Variants in LUZP1 observed in about 807,000 individuals in gnomAD.
The protein encoded by LUZP1 is filamin mechanobinding actin cross-linking protein.
Under a neutral mutation model 71.3 loss-of-function variants are expected in LUZP1, and 25 were observed. The observed-to-expected ratio is 0.35, with a 90% CI of 0.26 to 0.49. The LOEUF is 0.49. Among genes scored for constraint, LUZP1 ranks in the 20% least tolerant of loss-of-function variants. The pLI, the probability that LUZP1 is intolerant of heterozygous loss-of-function variation, is 0.99. For synonymous variants in LUZP1, 481 were observed against 506.4 expected (o/e 0.95, Z 0.67); for missense variants, 1,142 against 1,300.8 (o/e 0.88, Z 1.88).
At chr1:23,117,477 C>CT (rs34248788) in intron 2 of LUZP1, among the ~76,000 whole-genome samples, 2,629 of 13,548 alleles carry the variant, frequency 0.19, 113 homozygotes, top group Non-Finnish European at 0.25. Context: ...CTCTCTCTCT[C>CT]CCCCCCCCCC....
intron 2 of LUZP1, among the ~76,000 whole-genome samples, chr1:23,112,104 C>T (rs1569590223): frequency 6.6e-6 from 1 of 152,080 alleles, no homozygotes; most frequent in Admixed American, 6.6e-5. Flanking sequence ...CAACTGTCTA[C>T]GTTCTCTCAT....
chr1:23,111,884 T>C (rs1460158275), intron 2 of LUZP1, among the ~76,000 whole-genome samples: 4 of 151,314 alleles, frequency 2.6e-5, no homozygotes, highest in Non-Finnish European at 5.9e-5. Flanking sequence ...CTCTAAGAAA[T>C]GGTCACATAA....
chr1:23,102,703 T>A (rs1643941078), intron 3 of LUZP1, among the ~76,000 whole-genome samples: 1 of 152,084 alleles, frequency 6.6e-6, no homozygotes, highest in Non-Finnish European at 1.5e-5. Context: ...CTCATGCCTG[T>A]AATCCCAGCA....
intron 2 of LUZP1, among the ~76,000 whole-genome samples, chr1:23,117,454 C>CT (rs1491549231): frequency 3.0e-4 from 4 of 13,362 alleles, no homozygotes; most frequent in Non-Finnish European, 4.6e-4. Context: ...TTTTTTTTTT[C>CT]CTCTCTCTCT....
intron 2 of LUZP1, among the ~76,000 whole-genome samples, chr1:23,150,891 G>C (rs1232649097): frequency 2.6e-5 from 4 of 151,152 alleles, no homozygotes; most frequent in African/African-American, 9.9e-5. Flanking sequence ...TGTGTCAACA[G>C]TTTGTTTGTG....
At chr1:23,091,609 C>G in exon 4 of LUZP1, 1 of 1,614,184 alleles carries the variant, frequency 6.2e-7, no homozygotes, top group Non-Finnish European at 8.5e-7. Context: ...TCCACAGGAT[C>G]CGATGGCTTG....
At chr1:23,090,741 G>A (rs1272085707) in intron 4 of LUZP1, 1 of 651,948 alleles carries the variant, frequency 1.5e-6, no homozygotes. Flanking sequence ...TCTGCTAACT[G>A]AGGCGGCCGA....
At chr1:23,148,491 C>T (rs1466206646) in intron 2 of LUZP1, among the ~76,000 whole-genome samples, 1 of 152,158 alleles carries the variant, frequency 6.6e-6, no homozygotes, top group African/African-American at 2.4e-5. Context: ...TACTTCTTCC[C>T]AGCTATCTCT....
At chr1:23,117,236 A>G (rs1405230598) in intron 2 of LUZP1, among the ~76,000 whole-genome samples, 1 of 152,158 alleles carries the variant, frequency 6.6e-6, no homozygotes, top group Non-Finnish European at 1.5e-5. Flanking sequence ...TCTGGGTTCT[A>G]TTCTAATTCA....
At chr1:23,096,856 C>A (rs535396992) in intron 3 of LUZP1, among the ~76,000 whole-genome samples, 88 of 152,206 alleles carry the variant, frequency 5.8e-4, no homozygotes, top group Non-Finnish European at 6.6e-4. Context: ...ACCTATAATC[C>A]CAGCTACTTG....
intron 2 of LUZP1, among the ~76,000 whole-genome samples, chr1:23,154,212 G>C (rs773693943): frequency 4.3e-4 from 66 of 152,260 alleles, no homozygotes; most frequent in Admixed American, 7.2e-4. Flanking sequence ...ACTTTGCAGA[G>C]GTGATGGAAC....
At chr1:23,167,976 C>A (rs1644523699) in intron 2 of LUZP1, among the ~76,000 whole-genome samples, 1 of 151,624 alleles carries the variant, frequency 6.6e-6, no homozygotes, top group Non-Finnish European at 1.5e-5. Flanking sequence ...CGGCCCCGCT[C>A]GCCGGCGTCC....
intron 3 of LUZP1, among the ~76,000 whole-genome samples, chr1:23,108,328 C>T (rs1470686364): frequency 6.6e-6 from 1 of 152,126 alleles, no homozygotes; most frequent in Non-Finnish European, 1.5e-5. Context: ...GAAAATAACC[C>T]ACTAGGGTGG....
intron 2 of LUZP1, among the ~76,000 whole-genome samples, chr1:23,134,196 C>A (rs1644236096): frequency 6.6e-6 from 1 of 152,168 alleles, no homozygotes; most frequent in South Asian, 2.1e-4. Flanking sequence ...AAAACAGACA[C>A]AAGGCCAGGC....
intron 2 of LUZP1, among the ~76,000 whole-genome samples, chr1:23,163,551 C>G (rs1644486474): frequency 8.6e-6 from 1 of 116,556 alleles, no homozygotes; most frequent in Non-Finnish European, 1.7e-5. Flanking sequence ...GAGATCCCGT[C>G]TCTTAAAAAA....
chr1:23,173,191 A>G (rs1317350517), intron 1 of LUZP1, among the ~76,000 whole-genome samples: 1 of 151,704 alleles, frequency 6.6e-6, no homozygotes, highest in Non-Finnish European at 1.5e-5. Flanking sequence ...CAGGAGTTGG[A>G]GGCTACAGTG....
chr1:23,133,883 A>G (rs1227778402), intron 2 of LUZP1, among the ~76,000 whole-genome samples: 1 of 152,214 alleles, frequency 6.6e-6, no homozygotes, highest in Non-Finnish European at 1.5e-5. Flanking sequence ...TTTCTTCCCA[A>G]AAATGTCTAC....
At chr1:23,087,973 GA>G in exon 5 of LUZP1, 1 of 152,610 alleles carries the variant, frequency 6.6e-6, no homozygotes, top group Non-Finnish European at 1.5e-5. Flanking sequence ...CTTGTGGAGT[GA>G]CTAAAGGGGT....
chr1:23,162,524 T>C (rs988990976), intron 2 of LUZP1, among the ~76,000 whole-genome samples: 11 of 151,916 alleles, frequency 7.2e-5, no homozygotes, highest in African/African-American at 2.7e-4. Context: ...CTGCAAGCTC[T>C]GCCTCCTGGG....
Sources: allele counts gnomAD v4.1 joint callset (sites outside exome capture counted in the v4.1 genomes callset), GRCh38; gene constraint gnomAD v4.1.1; transcripts MANE v1.5; gene names NCBI Gene and HGNC (gene_info 2026-07-23, HGNC 2026-07-21).